Variants in TMEM209 observed in about 807,000 individuals in gnomAD.
TMEM209 encodes transmembrane protein 209.
TMEM209 carries 65 observed loss-of-function variants against 76.2 expected under a neutral mutation model. The ratio of observed to expected loss-of-function variants is 0.85; its 90% CI spans 0.70 to 1.05. The LOEUF (loss-of-function observed/expected upper bound fraction) is 1.05. Ranked by LOEUF, TMEM209 falls within the 50% of genes least tolerant of loss-of-function variation. The pLI is 0.00. For synonymous variants in TMEM209, 239 were observed against 237.6 expected, an observed-to-expected ratio of 1.01 and a Z score of -0.06; for missense variants, 623 against 685.5, an observed-to-expected ratio of 0.91 and a Z score of 1.02.
rs756149460 is a variant in TMEM209, at chr7:130,172,720, C to T, written c.1557+912G>A. Among the ~76,000 whole-genome samples the T allele has an allele frequency of 5.8e-4, 88 of 151,794 alleles. 1 individual carries two copies. Among genetic ancestry groups the T allele is most frequent in the Admixed American group, 1.2e-3 (19 of 15,244 alleles). The stretch of plus-strand genomic sequence containing the variant: ...TAGCCATTAAGAAGTATTTTTAGGC[C>T]GGGCATGGTGGCTTATGCCTGTAAT... On this transcript the variant is annotated intron_variant, in intron 13 of 14. Coordinates refer to ENST00000397622, the MANE Select transcript of TMEM209 (RefSeq NM_032842.4).
intron 3 of TMEM209, 111 bp downstream of exon 3, chr7:130,203,677 C>T (rs1438937261): frequency 2.2e-6 from 2 of 917,946 alleles, no homozygotes; most frequent in East Asian, 2.6e-5. Flanking sequence ...TTTTACAACC[C>T]AGCAGGCAGT....
At chr7:130,188,229 G>A (rs1797667252) in intron 6 of TMEM209, among the ~76,000 whole-genome samples, 1 of 152,140 alleles carries the variant, frequency 6.6e-6, no homozygotes, top group Non-Finnish European at 1.5e-5. Flanking sequence ...AAAAAGCTGG[G>A]GTGGGGGTAA....
intron 5 of TMEM209, 47 bp from the exon 6 acceptor site, chr7:130,192,870 T>A: frequency 6.4e-7 from 1 of 1,570,048 alleles, no homozygotes; most frequent in African/African-American, 1.4e-5. Context: ...TAATTGAAAT[T>A]CATTTTGTTT....
Position 130,201,689 on chromosome 7 carries a change from T to C in TMEM209, c.573+161A>G, listed in dbSNP as rs573406678. 26 of 863,158 alleles carry C rather than the reference T, an allele frequency of 3.0e-5. No individual in the cohort carries two copies. In the African/African-American group the frequency reaches 3.9e-4, roughly 13 times the overall value. The allele number at this position is 863,158 out of a possible 1,614,324, so 53.5% of individuals were successfully genotyped here. ...ATTTTTTCTCTTTCATTTTAAGATG[T>C]TGTGTTTAAGATATTATGTTCTATT... On this transcript the variant is annotated intron_variant, in intron 5 of 14. Coordinates refer to ENST00000397622, the MANE Select transcript of TMEM209 (RefSeq NM_032842.4).
At chr7:130,170,037 A>T (rs907284602) in intron 14 of TMEM209, among the ~76,000 whole-genome samples, 1 of 152,214 alleles carries the variant, frequency 6.6e-6, no homozygotes, top group Non-Finnish European at 1.5e-5. Flanking sequence ...CTGGAAGTGT[A>T]AACACTTCGC....
intron 6 of TMEM209, among the ~76,000 whole-genome samples, chr7:130,188,704 A>C (rs1412719389): frequency 1.3e-5 from 2 of 152,126 alleles, no homozygotes; most frequent in South Asian, 4.1e-4. Flanking sequence ...AAGGCTGTTA[A>C]GGAAACAGGA....
chr7:130,174,834 C>T (rs751348936), intron 11 of TMEM209, among the ~76,000 whole-genome samples: 1 of 152,008 alleles, frequency 6.6e-6, no homozygotes, highest in Non-Finnish European at 1.5e-5. Context: ...ACTTTTAGGT[C>T]CACTATAGGA....
intron 6 of TMEM209, among the ~76,000 whole-genome samples, chr7:130,186,521 G>A (rs1467466028): frequency 6.6e-6 from 1 of 152,104 alleles, no homozygotes; most frequent in African/African-American, 2.4e-5. Flanking sequence ...AATAAATAGA[G>A]AACAGAAATG....
In TMEM209 at chr7:130,166,523, A is replaced by T. The variant is rs6467284; in HGVS notation, c.1632-18T>A. The T allele has an allele frequency of 0.14, 210,959 of 1,484,588 alleles. 15,807 individuals carry two copies. The highest frequency in any genetic ancestry group is 0.15 in the Non-Finnish European group (171,304 of 1,117,664). The allele number at this position is 1,484,588 out of a possible 1,614,324, so 92.0% of individuals were successfully genotyped here. A position where few individuals can be genotyped will look rare whatever the true frequency, so the allele number is the denominator to read the frequency against. The stretch of plus-strand genomic sequence containing the variant: ...TAACTCTCCTATAAAGAGAAAAAAA[A>T]TTTTTATTAGAATTGGTTGCCAAGC... On this transcript the variant is annotated intron_variant, in intron 14 of 14. Transcript: ENST00000397622.
chr7:130,177,400 T>C (rs1344579579), intron 10 of TMEM209, among the ~76,000 whole-genome samples: 1 of 151,544 alleles, frequency 6.6e-6, no homozygotes, highest in African/African-American at 2.4e-5. Context: ...TATGTTTGTA[T>C]TAGTTTTCTA....
At chr7:130,171,619 C>T (rs1344774866) in intron 13 of TMEM209, among the ~76,000 whole-genome samples, 2 of 152,160 alleles carry the variant, frequency 1.3e-5, no homozygotes, top group African/African-American at 4.8e-5. Context: ...AACATCTCTT[C>T]CTGAGAATCT....
intron 11 of TMEM209, among the ~76,000 whole-genome samples, chr7:130,174,196 C>G (rs1415002815): frequency 6.6e-6 from 1 of 152,178 alleles, no homozygotes; most frequent in Non-Finnish European, 1.5e-5. Context: ...AAGGAATTCA[C>G]TAATTCCTCT....
At position 130,173,658 on chromosome 7, in the gene TMEM209, G is replaced by A. The variant is rs1052211568; in HGVS notation, c.1531C>T (p.Gln511Ter). Residue 511 changes from glutamine to a stop codon, truncating the protein, a stop_gained, in exon 13 of 15, where the codon CAG (glutamine) becomes TAG (stop). Transcript: ENST00000397622. LOFTEE classifies it high-confidence loss of function. ...INPPHYELIY[Q>*]RHVYNLPKGR... ...TTTGGCAGGTTGTATACATGACGCT[G>A]GTAGATGAGCTCATAATGGGGAGGG... The A allele has an allele frequency of 6.2e-7, 1 of 1,613,310 alleles. No homozygotes were observed. The highest frequency in any genetic ancestry group is 1.3e-5 in the African/African-American group (1 of 75,030).
chr7:130,187,763 GC>G (rs1280594890), intron 6 of TMEM209, among the ~76,000 whole-genome samples: 2 of 152,036 alleles, frequency 1.3e-5, no homozygotes, highest in African/African-American at 4.8e-5. Flanking sequence ...GAATCTCCAA[GC>G]TTAGAAATTA....
chr7:130,202,020 G>A lies in TMEM209; in HGVS notation c.403C>T (p.Gln135Ter), dbSNP rs1466893301. Residue 135 changes from glutamine to a stop codon, truncating the protein, a stop_gained, in exon 5 of 15, where the codon CAG becomes TAG. Coordinates refer to ENST00000397622, the MANE Select transcript of TMEM209 (RefSeq NM_032842.4). LOFTEE classifies it high-confidence loss of function. ...IPPAPPSPSI[Q>*]GQSVLSYSPS... ...CTATAACTCAACACACTCTGACCCT[G>A]AATTGAAGGGGAAGGTGGAGCGGGA... The A allele has an allele frequency of 6.2e-7, 1 of 1,613,838 alleles. No individual in the cohort carries two copies. The highest frequency in any genetic ancestry group is 2.2e-5 in the East Asian group (1 of 44,872).
intron 5 of TMEM209, among the ~76,000 whole-genome samples, chr7:130,196,369 T>C (rs376845987): frequency 3.0e-4 from 46 of 152,248 alleles, no homozygotes; most frequent in African/African-American, 9.4e-4. Flanking sequence ...TCATTAACTT[T>C]TCTAAGTTAT....
chr7:130,174,904 T>TA (rs199901009), intron 11 of TMEM209, among the ~76,000 whole-genome samples: 241 of 149,820 alleles, frequency 1.6e-3, no homozygotes, highest in African/African-American at 5.1e-3. Context: ...GAGGCTGAAG[T>TA]AAAAAAAAAC....
chr7:130,201,428 A>G (rs2117036133), intron 5 of TMEM209, among the ~76,000 whole-genome samples: 1 of 146,312 alleles, frequency 6.8e-6, no homozygotes. Context: ...TACTCATTGG[A>G]AAAAAAAAAG....
At chr7:130,181,144 T>C (rs1797398721) in intron 9 of TMEM209, among the ~76,000 whole-genome samples, 1 of 152,362 alleles carries the variant, frequency 6.6e-6, no homozygotes, top group Non-Finnish European at 1.5e-5. Context: ...AATGATGTAA[T>C]GATAAATTCT....
Sources: allele counts gnomAD v4.1 joint callset (sites outside exome capture counted in the v4.1 genomes callset), GRCh38; gene constraint gnomAD v4.1.1; transcripts MANE v1.5; gene names NCBI Gene and HGNC (gene_info 2026-07-23, HGNC 2026-07-21).